CLMP: variants seen among roughly 807,000 people sequenced by gnomAD.
CLMP encodes the protein CXADR like cell adhesion molecule, also known as CXADR-like membrane protein.
CLMP carries 27 observed loss-of-function variants against 45.2 expected under a neutral mutation model. The ratio of observed to expected loss-of-function variants is 0.60; its 90% CI spans 0.44 to 0.82. The LOEUF (loss-of-function observed/expected upper bound fraction) is 0.82. Among genes scored for constraint, CLMP ranks in the 40% least tolerant of loss-of-function variants. CLMP has a pLI of 0.00. For synonymous variants in CLMP, 167 were observed against 171.4 expected (o/e 0.97, Z 0.20); for missense variants, 403 against 448.4 (o/e 0.90, Z 0.91).
At chr11:123,114,477 T>A (rs1350546784) in intron 1 of CLMP, among the ~76,000 whole-genome samples, 4 of 141,890 alleles carry the variant, frequency 2.8e-5, no homozygotes, top group South Asian at 2.3e-4. Context: ...CCTTCCTTTT[T>A]TTTTTTTTGA....
chr11:123,168,225 T>C (rs1861585014), intron 1 of CLMP, among the ~76,000 whole-genome samples: 1 of 150,086 alleles, frequency 6.7e-6, no homozygotes, highest in African/African-American at 2.5e-5. Flanking sequence ...CTATGCTTTT[T>C]CCACAAAGCA....
intron 1 of CLMP, among the ~76,000 whole-genome samples, chr11:123,161,619 T>C (rs1861488323): frequency 1.3e-5 from 2 of 152,210 alleles, no homozygotes; most frequent in African/African-American, 4.8e-5. Flanking sequence ...AAGGTTGCAG[T>C]GAGCCAAGAT....
At chr11:123,095,209 C>A (rs1865975989) in intron 2 of CLMP, among the ~76,000 whole-genome samples, 1 of 152,118 alleles carries the variant, frequency 6.6e-6, no homozygotes, top group East Asian at 1.9e-4. Flanking sequence ...GCTATATAAC[C>A]AAGCAAGTCT....
chr11:123,130,467 G>T (rs760986721), intron 1 of CLMP, among the ~76,000 whole-genome samples: 2 of 152,136 alleles, frequency 1.3e-5, no homozygotes, highest in Non-Finnish European at 2.9e-5. Flanking sequence ...TAAGAAAAAT[G>T]GTATGGTCTG....
chr11:123,149,787 C>CT (rs1204952971), intron 1 of CLMP, among the ~76,000 whole-genome samples: 36 of 136,114 alleles, frequency 2.6e-4, no homozygotes, highest in Middle Eastern at 3.8e-3. Context: ...TTCTTTCTTT[C>CT]TTCCTTTCTT....
intron 2 of CLMP, among the ~76,000 whole-genome samples, chr11:123,086,973 C>A (rs770124608): frequency 2.0e-5 from 3 of 152,188 alleles, no homozygotes; most frequent in Admixed American, 2.0e-4. Context: ...GCAAGCAGAT[C>A]ACTTGAAGTC....
rs1333812703 is a variant in CLMP, at chr11:123,083,596, G to GT, written c.556+83dup. On this transcript the variant is annotated intron_variant, in intron 4 of 6. Coordinates refer to ENST00000448775, the MANE Select transcript of CLMP (RefSeq NM_024769.5). The stretch of plus-strand genomic sequence containing the variant: ...TCAGCAGGGTATTTCAGGTCACATA[G>GT]TGAGTTGCTGAGAAAGCTGATTTAG... 2.9e-6 allele frequency: 4 copies of GT among 1,365,846 alleles called. No individual in the cohort carries two copies. In the East Asian group the frequency reaches 9.1e-5, roughly 31 times the overall value. 84.6% of individuals were successfully genotyped at this position (1,365,846 alleles called of 1,614,324 possible). A position where few individuals can be genotyped will look rare whatever the true frequency, so the allele number is the denominator to read the frequency against.
intron 1 of CLMP, among the ~76,000 whole-genome samples, chr11:123,168,217 A>G (rs1447558047): frequency 1.6e-5 from 2 of 127,612 alleles, no homozygotes; most frequent in African/African-American, 3.1e-5. Flanking sequence ...AGTGGTACCT[A>G]TGCTTTTTCC....
At position 123,113,954 on chromosome 11, in the gene CLMP, GC is replaced by G. The variant is rs1258819407; in HGVS notation, c.29-16003del. ...TGAACACCCTGGCAAGAATGCCTGT[GC>G]CAGTACACAGATCAGGCAAGAATGT... is the stretch of plus-strand genomic sequence containing the variant. On this transcript the variant is annotated intron_variant, in intron 1 of 6. Transcript: ENST00000448775. 2.0e-5 allele frequency among the ~76,000 whole-genome samples: 3 copies of G among 152,230 alleles called. No individual in the cohort carries two copies. In the East Asian group the frequency reaches 5.8e-4, roughly 29 times the overall value.
intron 1 of CLMP, among the ~76,000 whole-genome samples, chr11:123,157,501 C>T (rs764563377): frequency 2.6e-5 from 4 of 152,042 alleles, no homozygotes; most frequent in Non-Finnish European, 4.4e-5. Flanking sequence ...TGCAGTGAGC[C>T]GAGATCGCGC....
At chr11:123,182,836 A>G (rs1435604347) in intron 1 of CLMP, among the ~76,000 whole-genome samples, 3 of 152,044 alleles carry the variant, frequency 2.0e-5, no homozygotes, top group Non-Finnish European at 2.9e-5. Context: ...ACACACCCTC[A>G]CCCAGCACTC....
chr11:123,083,938 T>A, intron 3 of CLMP, 91 bp from the exon 4 acceptor site: 1 of 1,439,942 alleles, frequency 6.9e-7, no homozygotes, highest in Non-Finnish European at 9.5e-7. Context: ...TTGAGTTGCT[T>A]CTCCAGCCAT....
chr11:123,193,142 G>A (rs750627652), intron 1 of CLMP: 3 of 152,218 alleles, frequency 2.0e-5, no homozygotes, highest in African/African-American at 7.2e-5. Context: ...AAAGCAATGC[G>A]CTTTAGCAAG....
At chr11:123,084,882 T>G (rs1297552454) in intron 2 of CLMP, among the ~76,000 whole-genome samples, 169 bp from the exon 3 acceptor site, 1 of 152,222 alleles carries the variant, frequency 6.6e-6, no homozygotes, top group Non-Finnish European at 1.5e-5. Context: ...ACAGTACATT[T>G]GCACCTAGGC....
intron 1 of CLMP, among the ~76,000 whole-genome samples, chr11:123,128,338 TGTAATCCTG>T (rs1860931868): frequency 6.6e-6 from 1 of 151,708 alleles, no homozygotes; most frequent in African/African-American, 2.4e-5. Context: ...GGCTCAGGCC[TGTAATCCTG>T]GCATGGTGGC....
chr11:123,103,798 C>T (rs1315731069), intron 1 of CLMP, among the ~76,000 whole-genome samples: 2 of 149,838 alleles, frequency 1.3e-5, no homozygotes, highest in South Asian at 2.1e-4. Context: ...CTTTTTTAAA[C>T]CCACCTAAGC....
chr11:123,150,607 AAGG>A, intron 1 of CLMP, among the ~76,000 whole-genome samples: 1 of 113,810 alleles, frequency 8.8e-6, no homozygotes, highest in African/African-American at 3.3e-5. Flanking sequence ...GGAAGGAATG[AAGG>A]AAGGAAGGAA....
Position 123,097,063 on chromosome 11 carries a change from G to A in CLMP, c.186+732C>T, listed in dbSNP as rs543370373. Among the ~76,000 whole-genome samples, 22 of 152,184 alleles carry A rather than the reference G, an allele frequency of 1.4e-4. No individual in the cohort carries two copies. In the South Asian group the frequency reaches 4.6e-3, roughly 32 times the overall value. ...GAGGGAGTCTCACTTTGTTGCCCAG[G>A]CTGGTCTTGAACTCCTGGGCTCAAG... On this transcript the variant is annotated intron_variant, in intron 2 of 6. Coordinates refer to ENST00000448775, the MANE Select transcript of CLMP (RefSeq NM_024769.5).
intron 1 of CLMP, among the ~76,000 whole-genome samples, chr11:123,129,701 T>A (rs1183705742): frequency 1.4e-5 from 2 of 141,148 alleles, no homozygotes; most frequent in Middle Eastern, 3.3e-3. Flanking sequence ...TAAAATAATA[T>A]TATATATTAT....
Sources: gnomAD v4.1 joint callset for allele counts (sites outside exome capture counted in the v4.1 genomes callset) on GRCh38, gnomAD v4.1.1 for gene constraint, MANE v1.5 for transcripts, NCBI Gene and HGNC (gene_info 2026-07-23, HGNC 2026-07-21) for gene names.